The following RPF2 variants were observed in gnomAD, a reference collection of about 807,000 sequenced individuals.
The protein encoded by RPF2 is brix domain containing 1.
Under a neutral mutation model 38.9 loss-of-function variants are expected in RPF2, and 21 were observed. That is an observed-to-expected ratio of 0.54 (90% CI 0.38 to 0.78). The LOEUF (loss-of-function observed/expected upper bound fraction) is 0.78. RPF2 is among the 30% of genes least tolerant of loss of function. The pLI is 0.00. For missense variants in RPF2, 314 were observed against 358.1 expected (o/e 0.88, Z 0.99); for synonymous variants, 121 against 126.2 (o/e 0.96, Z 0.28).
chr6:111,012,801 C>T (rs1401379472), intron 7 of RPF2, among the ~76,000 whole-genome samples: 2 of 152,116 alleles, frequency 1.3e-5, no homozygotes, highest in African/African-American at 4.8e-5. Flanking sequence ...TCCTGAGTAG[C>T]TGGGATTACA....
intron 6 of RPF2, among the ~76,000 whole-genome samples, chr6:111,001,440 C>A (rs907907882): frequency 3.9e-5 from 6 of 151,956 alleles, no homozygotes; most frequent in African/African-American, 1.4e-4. Flanking sequence ...CGCAGTGGCG[C>A]GATCTCAGCT....
chr6:111,002,704 A>G (rs1411309271), intron 6 of RPF2, among the ~76,000 whole-genome samples: 1 of 152,096 alleles, frequency 6.6e-6, no homozygotes, highest in African/African-American at 2.4e-5. Context: ...ATATATAACT[A>G]TAAATTTTAT....
chr6:111,015,786 C>T lies in RPF2; in HGVS notation c.526C>T (p.Arg176Cys), dbSNP rs202181813. Residue 176 changes from arginine to cysteine, a missense_variant, in exon 8 of 10, where the codon CGC (arginine) becomes TGC (cysteine). By Grantham distance (180) the Arg-to-Cys change is radical. Transcript: ENST00000441448. ...CAGAGGCCCCACAGTATCAAATATC[C>T]GCCTGGCTGGATTAGAGTATGTTCT... ...FFRGPTVSNI[R>C]LAGLEYVLHF... 1,032 of 1,612,500 alleles carry T rather than the reference C, an allele frequency of 6.4e-4. 6 individuals carry two copies. The highest frequency in any genetic ancestry group is 3.8e-4 in the Non-Finnish European group (450 of 1,178,794).
chr6:110,991,713 A>G (rs1242836749), intron 3 of RPF2, 34 bp from the exon 4 acceptor site: 3 of 820,452 alleles, frequency 3.7e-6, no homozygotes, highest in Admixed American at 2.7e-5. Context: ...ACTTATTTAG[A>G]TTATTAAAAT....
chr6:111,004,921 T>C (rs1205002451), intron 6 of RPF2, among the ~76,000 whole-genome samples: 1 of 152,192 alleles, frequency 6.6e-6, no homozygotes, highest in Non-Finnish European at 1.5e-5. Flanking sequence ...GTATACTGGG[T>C]GACAACTTCA....
chr6:111,021,675 C>T (rs996221886), intron 8 of RPF2, among the ~76,000 whole-genome samples: 1 of 152,156 alleles, frequency 6.6e-6, no homozygotes, highest in Non-Finnish European at 1.5e-5. Flanking sequence ...ATTGACAGTA[C>T]TGCTTTATAA....
chr6:111,020,542 G>C (rs1772213812), intron 8 of RPF2, among the ~76,000 whole-genome samples: 1 of 152,182 alleles, frequency 6.6e-6, no homozygotes, highest in Non-Finnish European at 1.5e-5. Flanking sequence ...AAACAAAATA[G>C]AGAATTATCA....
chr6:110,985,117 G>A lies in RPF2; in HGVS notation c.135G>A (p.Val45=). The A allele has an allele frequency of 1.9e-6, 3 of 1,613,576 alleles. No homozygotes were observed. The highest frequency in any genetic ancestry group is 2.2e-5 in the South Asian group (2 of 91,014). ...AAGGGGGAAATGCAAATGCAACAGT[G>A]ACAAAAGTACTTAAAGATGTGGTAA... ...LIKGGNANAT[V]TKVLKDVYAL... Residue 45 remains valine (V), a synonymous_variant, in exon 2 of 10, where the codon GTG becomes GTA. Coordinates refer to ENST00000441448, the MANE Select transcript of RPF2 (RefSeq NM_032194.3).
At chr6:111,011,354 C>G (rs1041795493) in intron 7 of RPF2, among the ~76,000 whole-genome samples, 1 of 146,292 alleles carries the variant, frequency 6.8e-6, no homozygotes, top group African/African-American at 2.5e-5. Context: ...CTGGCATGAT[C>G]TCAGCTCACT....
At chr6:110,992,259 G>A (rs990122106) in intron 4 of RPF2, among the ~76,000 whole-genome samples, 2 of 152,090 alleles carry the variant, frequency 1.3e-5, no homozygotes, top group East Asian at 3.9e-4. Context: ...TCAGTGAGCC[G>A]AGATCACGCC....
chr6:110,996,809 T>C (rs1489761239), intron 4 of RPF2, among the ~76,000 whole-genome samples: 1 of 152,144 alleles, frequency 6.6e-6, no homozygotes, highest in Non-Finnish European at 1.5e-5. Context: ...TTCGTTTTGT[T>C]TTGTTTTTTT....
chr6:110,990,520 T>C lies in RPF2; in HGVS notation c.195-1227T>C, dbSNP rs144808147. Among the ~76,000 whole-genome samples, 303 of 152,094 alleles carry C rather than the reference T, an allele frequency of 2.0e-3. 2 individuals are homozygous for C. The highest frequency in any genetic ancestry group is 7.1e-3 in the African/African-American group (293 of 41,498). On this transcript the variant is annotated intron_variant, in intron 3 of 9. Coordinates refer to ENST00000441448, the MANE Select transcript of RPF2 (RefSeq NM_032194.3). ...CTTCTGGATTATAATCCAGTGTTCTTAATTTTGTTGCTTAAATTGTTCTGT... is the reference window on the plus strand; with the variant it reads ...CTTCTGGATTATAATCCAGTGTTCTCAATTTTGTTGCTTAAATTGTTCTGT...
At chr6:110,996,708 C>A (rs1438116212) in intron 4 of RPF2, among the ~76,000 whole-genome samples, 1 of 152,182 alleles carries the variant, frequency 6.6e-6, no homozygotes, top group Non-Finnish European at 1.5e-5. Flanking sequence ...AAGTAAAAAG[C>A]TGGAAATACC....
intron 6 of RPF2, among the ~76,000 whole-genome samples, chr6:111,007,095 T>G (rs1771922619): frequency 6.6e-6 from 1 of 151,950 alleles, no homozygotes; most frequent in African/African-American, 2.4e-5. Context: ...CCCAGGCTGG[T>G]CTTGAACTCA....
chr6:111,008,191 A>G, intron 7 of RPF2, 54 bp downstream of exon 7: 2 of 1,515,400 alleles, frequency 1.3e-6, no homozygotes, highest in Non-Finnish European at 1.8e-6. Flanking sequence ...ACAGTCTCAG[A>G]CTCTCACTGG....
intron 4 of RPF2, among the ~76,000 whole-genome samples, chr6:110,996,944 G>C (rs1401816065): frequency 6.6e-6 from 1 of 152,102 alleles, no homozygotes; most frequent in East Asian, 1.9e-4. Flanking sequence ...TGGGATTACA[G>C]GCGTGTGCCT....
At chr6:111,011,296 C>CT in intron 7 of RPF2, among the ~76,000 whole-genome samples, 8 of 143,000 alleles carry the variant, frequency 5.6e-5, no homozygotes, top group African/African-American at 1.8e-4. Flanking sequence ...TTCTTTCTTT[C>CT]TTTCTTTCTT....
intron 8 of RPF2, among the ~76,000 whole-genome samples, chr6:111,018,757 T>C (rs1057151446): frequency 1.1e-4 from 16 of 152,216 alleles, no homozygotes; most frequent in African/African-American, 3.9e-4. Flanking sequence ...AAGATGTAAT[T>C]AGAGACTTTA....
intron 7 of RPF2, among the ~76,000 whole-genome samples, chr6:111,011,383 G>A (rs1372769530): frequency 6.8e-6 from 1 of 146,228 alleles, no homozygotes; most frequent in Non-Finnish European, 1.5e-5. Flanking sequence ...CACCTCCCAG[G>A]GTCAAGCAAT....
Sources: allele counts gnomAD v4.1 joint callset (sites outside exome capture counted in the v4.1 genomes callset), GRCh38; gene constraint gnomAD v4.1.1; transcripts MANE v1.5; gene names NCBI Gene and HGNC (gene_info 2026-07-23, HGNC 2026-07-21).